The following SRRD variants were observed in gnomAD, a reference collection of about 807,000 sequenced individuals.
SRRD encodes SRR1 domain containing.
In SRRD, 28 loss-of-function variants were observed where a neutral mutation model predicts 30.7. The ratio of observed to expected loss-of-function variants is 0.91; its 90% CI spans 0.68 to 1.25. SRRD has a LOEUF of 1.25. SRRD is among the 50% of genes most tolerant of loss of function. The pLI is 0.00. For synonymous variants in SRRD, 161 were observed against 159.6 expected, an observed-to-expected ratio of 1.01 and a Z score of -0.07; for missense variants, 415 against 417.3, an observed-to-expected ratio of 0.99 and a Z score of 0.05.
Position 26,492,387 on chromosome 22 carries a change from G to C in SRRD, c.*715G>C. 1 of 1,610,140 alleles carries C rather than the reference G, an allele frequency of 6.2e-7. No homozygotes were observed. The highest frequency in any genetic ancestry group is 1.1e-5 in the South Asian group (1 of 90,894). ...TAGGCACCTAAGATACAGGAGGACA[G>C]GGCGGTGAGGAGAGGTGTTTCCAGG... On this transcript the variant is annotated 3_prime_UTR_variant, in exon 7 of 7. Transcript: ENST00000215917.
chr22:26,490,152 T>C lies in SRRD; in HGVS notation c.718T>C (p.Ser240Pro). 1 of 1,614,160 alleles carries C rather than the reference T, an allele frequency of 6.2e-7. No individual in the cohort carries two copies. The highest frequency in any genetic ancestry group is 1.1e-5 in the South Asian group (1 of 91,074). ...GAGTAACTGGTCAGTAGATGCCCTT[T>C]CTAAGATGGTCATCATTGGGAACAG... Reference protein sequence around the residue: ...LWSNWSVDALSKMVIIGNSFK... With the variant: ...LWSNWSVDALPKMVIIGNSFK... Residue 240 changes from serine (S) to proline (P), a missense_variant, in exon 5 of 7, where the codon TCT (serine) becomes CCT (proline). Ser to Pro is a moderately conservative substitution (Grantham distance 74, BLOSUM62 -1). Coordinates refer to ENST00000215917, the MANE Select transcript of SRRD (RefSeq NM_001013694.3).
At chr22:26,490,328 G>A in intron 5 of SRRD, 130 bp downstream of exon 5, 1 of 1,104,014 alleles carries the variant, frequency 9.1e-7, no homozygotes, top group Non-Finnish European at 1.3e-6. Flanking sequence ...GGAACTGGAT[G>A]AAGGCTTAAA....
Position 26,488,227 on chromosome 22 carries a change from C to T in SRRD, c.449C>T (p.Ala150Val). The change falls in exon 3 of 7, where the codon GCC (alanine) becomes GTC (valine). Residue 150 changes from alanine (A) to valine (V), a missense_variant. Ala to Val is a moderately conservative substitution (Grantham distance 64). Transcript: ENST00000215917. Reference sequence around the variant, plus strand: ...GTGTGTTACGGCATTGGGAACTTTGCCACCTGCATCGTAGCTAGAAACCAG... The same window carrying T: ...GTGTGTTACGGCATTGGGAACTTTGTCACCTGCATCGTAGCTAGAAACCAG... ...KCVCYGIGNF[A>V]TCIVARNQLT... 1.2e-6 allele frequency: 2 copies of T among 1,614,164 alleles called. No individual in the cohort carries two copies. Among genetic ancestry groups the T allele is most frequent in the Non-Finnish European group, 1.7e-6 (2 of 1,180,034 alleles).
intron 1 of SRRD, 49 bp from the exon 2 acceptor site, chr22:26,485,974 C>T (rs765323218): frequency 6.2e-7 from 1 of 1,610,768 alleles, no homozygotes; most frequent in Non-Finnish European, 8.5e-7. Flanking sequence ...ACTGTTGGGG[C>T]AGCCCTGAGA....
rs79003252 is a variant in SRRD at position 26,490,034 on chromosome 22, G to A, written c.610-10G>A. The A allele has an allele frequency of 3.7e-5, 60 of 1,613,478 alleles. 1 individual carries two copies. In the Middle Eastern group the frequency reaches 9.9e-4, roughly 27 times the overall value. ...GGGCATGTTTACACCTGTGAATATC[G>A]TATCCCCAGGAAGGGAAACGGAGTA... On this transcript the variant is annotated splice_polypyrimidine_tract_variant and intron_variant, in intron 4 of 6. Transcript: ENST00000215917.
In SRRD at chr22:26,494,456, GA is replaced by G; in HGVS notation, c.*2786del. The stretch of plus-strand genomic sequence containing the variant: ...AGTAGCTAAACAGTCTAGCACTTAT[GA>G]ATATGGATTTTGGAGTCAGCCTGGT... On this transcript the variant is annotated 3_prime_UTR_variant, in exon 7 of 7. Coordinates refer to ENST00000215917, the MANE Select transcript of SRRD (RefSeq NM_001013694.3). The G allele has an allele frequency of 2.1e-6, 2 of 953,122 alleles. No individual in the cohort carries two copies. Among genetic ancestry groups the G allele is most frequent in the Non-Finnish European group, 3.1e-6 (2 of 638,720 alleles). The allele number at this position is 953,122 out of a possible 1,614,324, so 59.0% of individuals were successfully genotyped here.
Position 26,493,862 on chromosome 22 carries a change from A to T in SRRD, c.*2190A>T. 2.4e-6 allele frequency: 1 copy of T among 415,750 alleles called. No homozygotes were observed. The allele number at this position is 415,750 out of a possible 1,614,324, so 25.8% of individuals were successfully genotyped here. On this transcript the variant is annotated 3_prime_UTR_variant, in exon 7 of 7. Transcript: ENST00000215917. ...AAGGCCACACAGCACAGTGGTTAAG[A>T]GGGCGGGGCCTGGGGTTAGACTGAC...
rs766110336 is a variant in SRRD at position 26,488,261 on chromosome 22, T to C, written c.483T>C (p.Phe161=). 6 of 1,613,864 alleles carry C rather than the reference T, an allele frequency of 3.7e-6. No individual in the cohort carries two copies. In the Admixed American group the frequency reaches 5.0e-5, roughly 13 times the overall value. The part of the protein sequence containing the change: ...TCIVARNQLT[F]LLLLLEKCQI... ...TCGTAGCTAGAAACCAGCTAACGTT[T>C]TTGCTGCTTTTGTTGGAAAAGTGCC... Residue 161 remains phenylalanine (F), a synonymous_variant, in exon 3 of 7, where the codon TTT becomes TTC. Transcript: ENST00000215917.
Position 26,491,763 on chromosome 22 carries a change from C to A in SRRD, c.*91C>A. The stretch of plus-strand genomic sequence containing the variant: ...GCTATGGAGGAACTACAGAGAACTC[C>A]TTTGCCAGGAAAGAACATCAACTTG... On this transcript the variant is annotated 3_prime_UTR_variant, in exon 7 of 7. Coordinates refer to ENST00000215917, the MANE Select transcript of SRRD (RefSeq NM_001013694.3). The A allele has an allele frequency of 8.1e-7, 1 of 1,228,130 alleles. No individual in the cohort carries two copies. The highest frequency in any genetic ancestry group is 1.1e-6 in the Non-Finnish European group (1 of 884,758). 76.1% of individuals were successfully genotyped at this position (1,228,130 alleles called of 1,614,324 possible).
chr22:26,486,342 AATTTAT>A (rs1241873874), intron 2 of SRRD, among the ~76,000 whole-genome samples: 3 of 152,138 alleles, frequency 2.0e-5, no homozygotes, highest in Non-Finnish European at 2.9e-5. Context: ...TTATTGCTGA[AATTTAT>A]ATTTATCCTG....
At position 26,494,328 on chromosome 22, in the gene SRRD, C is replaced by G; in HGVS notation, c.*2656C>G. 2 of 1,614,152 alleles carry G rather than the reference C, an allele frequency of 1.2e-6. No individual in the cohort carries two copies. The highest frequency in any genetic ancestry group is 1.7e-5 in the Admixed American group (1 of 60,024). ...ACCTGCCAAAAAGAAAAATTACTTG[C>G]ATCCATCGTGGCAACAAATGAAGGC... On this transcript the variant is annotated 3_prime_UTR_variant, in exon 7 of 7. Transcript: ENST00000215917.
intron 1 of SRRD, 106 bp from the exon 2 acceptor site, chr22:26,485,917 G>A (rs1317346990): frequency 4.4e-6 from 6 of 1,360,982 alleles, no homozygotes; most frequent in Non-Finnish European, 5.2e-6. Flanking sequence ...GCCCTGCATT[G>A]CAGGGCACCT....
In SRRD at chr22:26,484,014, CGGGG is replaced by C. The variant is rs1569146401; in HGVS notation, c.126_129del (p.Gly43GlufsTer40). On this transcript the variant is annotated frameshift_variant, in exon 1 of 7. Coordinates refer to ENST00000215917, the MANE Select transcript of SRRD (RefSeq NM_001013694.3). LOFTEE classifies it high-confidence loss of function. Reference sequence around the variant, plus strand: ...GCCCCGGGGGAGAGAGGCGGCGCCCCGGGGGAGAGAGGCGGCGCCCCGGGGCCCC... The same window carrying C: ...GCCCCGGGGGAGAGAGGCGGCGCCCCGAGAGAGGCGGCGCCCCGGGGCCCC... 3 of 1,402,606 alleles carry C rather than the reference CGGGG, an allele frequency of 2.1e-6. No individual in the cohort carries two copies. The highest frequency in any genetic ancestry group is 2.9e-5 in the Admixed American group (1 of 34,572). The allele number at this position is 1,402,606 out of a possible 1,614,324, so 86.9% of individuals were successfully genotyped here.
chr22:26,487,339 A>C (rs2091716168), intron 2 of SRRD, among the ~76,000 whole-genome samples: 1 of 152,170 alleles, frequency 6.6e-6, no homozygotes, highest in Non-Finnish European at 1.5e-5. Flanking sequence ...CCTCTACATG[A>C]GAAGACTTAA....
At position 26,493,700 on chromosome 22, in the gene SRRD, A is replaced by G. The variant is rs529011685; in HGVS notation, c.*2028A>G. 1.6e-4 allele frequency: 29 copies of G among 177,722 alleles called. No homozygotes were observed. The East Asian group carries it at 4.2e-3, about 26-fold the overall frequency. 11.0% of individuals were successfully genotyped at this position (177,722 alleles called of 1,614,324 possible). A position where few individuals can be genotyped will look rare whatever the true frequency, so the allele number is the denominator to read the frequency against. ...GAACTCACTCTCCCTTTTAGCCTATAAAGTAGATCTTACTGTTTAACAGGT... is the reference window on the plus strand; with the variant it reads ...GAACTCACTCTCCCTTTTAGCCTATGAAGTAGATCTTACTGTTTAACAGGT... On this transcript the variant is annotated 3_prime_UTR_variant, in exon 7 of 7. Coordinates refer to ENST00000215917, the MANE Select transcript of SRRD (RefSeq NM_001013694.3).
At position 26,491,539 on chromosome 22, in the gene SRRD, A is replaced by C; in HGVS notation, c.887A>C (p.His296Pro). The C allele has an allele frequency of 1.9e-6, 3 of 1,614,134 alleles. No individual in the cohort carries two copies. The highest frequency in any genetic ancestry group is 2.5e-6 in the Non-Finnish European group (3 of 1,179,986). ...YMDIFNDTSVHWFPVQKLEQL... is the reference protein window; with the variant it reads ...YMDIFNDTSVPWFPVQKLEQL... ...GACATATTTAATGATACCTCTGTCC[A>C]CTGGTTCCCTGTGCAAAAGCTAGAA... The change falls in exon 7 of 7, where the codon CAC becomes CCC. Residue 296 changes from histidine to proline, a missense_variant. Physicochemically the swap from His to Pro is moderately conservative, Grantham distance 77. Transcript: ENST00000215917.
At chr22:26,487,888 C>T (rs1228865348) in intron 2 of SRRD, 141 bp from the exon 3 acceptor site, 3 of 892,938 alleles carry the variant, frequency 3.4e-6, no homozygotes, top group East Asian at 2.7e-5. Context: ...AGGCTGGCAG[C>T]TTCTCTCTCT....
In SRRD at chr22:26,492,287, G is replaced by A. The variant is rs746269405; in HGVS notation, c.*615G>A. ...CTCAGCCTCCCGCCTCTCCTGCATG[G>A]CCTCGTACTGGAAGTCCTTCCTCCG... On this transcript the variant is annotated 3_prime_UTR_variant, in exon 7 of 7. Coordinates refer to ENST00000215917, the MANE Select transcript of SRRD (RefSeq NM_001013694.3). 6.2e-7 allele frequency: 1 copy of A among 1,614,192 alleles called. No homozygotes were observed.
chr22:26,484,774 AG>A (rs1446607908), intron 1 of SRRD, among the ~76,000 whole-genome samples: 1 of 152,234 alleles, frequency 6.6e-6, no homozygotes, highest in Non-Finnish European at 1.5e-5. Flanking sequence ...TACCTTAGAA[AG>A]TACATAGAGA....
Sources: allele counts gnomAD v4.1 joint callset (sites outside exome capture counted in the v4.1 genomes callset), GRCh38; gene constraint gnomAD v4.1.1; transcripts MANE v1.5; gene names NCBI Gene and HGNC (gene_info 2026-07-23, HGNC 2026-07-21).